Variants in GRIN2A observed in about 807,000 individuals in gnomAD.
GRIN2A encodes glutamate receptor ionotropic, NMDA 2A.
In GRIN2A, 22 loss-of-function variants were observed where a neutral mutation model predicts 113.4. The observed-to-expected ratio is 0.19, with a 90% CI of 0.14 to 0.28. The LOEUF (loss-of-function observed/expected upper bound fraction) is 0.28, where lower values mean the gene tolerates loss of function less well. GRIN2A is among the 10% of genes least tolerant of loss of function. The probability of loss-of-function intolerance (pLI) is 1.00; values close to 1 mark genes in which losing one functional copy is unlikely to be tolerated. For missense variants in GRIN2A, 1,502 were observed against 1,887.0 expected, an observed-to-expected ratio of 0.80 and a Z score of 3.78; for synonymous variants, 827 against 738.4, an observed-to-expected ratio of 1.12 and a Z score of -1.94.
At chr16:10,126,149 G>A (rs2048930394) in intron 2 of GRIN2A, among the ~76,000 whole-genome samples, 1 of 141,180 alleles carries the variant, frequency 7.1e-6, no homozygotes, top group Non-Finnish European at 1.5e-5. Flanking sequence ...GTGAGTTGAT[G>A]GATTTCTTTA....
At chr16:9,815,091 A>C (rs2042160943) in intron 10 of GRIN2A, among the ~76,000 whole-genome samples, 1 of 152,028 alleles carries the variant, frequency 6.6e-6, no homozygotes, top group South Asian at 2.1e-4. Flanking sequence ...CTAGGATAGG[A>C]ATTCAGTGCT....
chr16:9,914,615 G>A (rs1222633587), intron 3 of GRIN2A, among the ~76,000 whole-genome samples: 2 of 152,202 alleles, frequency 1.3e-5, no homozygotes, highest in African/African-American at 4.8e-5. Flanking sequence ...CAGAAGTTAG[G>A]CTTATTGAAG....
chr16:9,879,023 C>T (rs745859120), intron 4 of GRIN2A, among the ~76,000 whole-genome samples: 4 of 152,112 alleles, frequency 2.6e-5, no homozygotes, highest in South Asian at 2.1e-4. Flanking sequence ...AGTCACTATG[C>T]GTGACTCTAG....
intron 2 of GRIN2A, among the ~76,000 whole-genome samples, chr16:10,142,111 G>A (rs147736834): frequency 2.6e-4 from 40 of 152,190 alleles, no homozygotes; most frequent in African/African-American, 7.9e-4. Context: ...ATCCCAAAGC[G>A]CCCATGTCCT....
intron 4 of GRIN2A, among the ~76,000 whole-genome samples, chr16:9,854,880 C>T (rs1225693913): frequency 6.6e-6 from 1 of 152,156 alleles, no homozygotes; most frequent in African/African-American, 2.4e-5. Flanking sequence ...TGAAATCATA[C>T]AGTCCTTGTC....
chr16:10,164,067 T>G lies in GRIN2A; in HGVS notation c.414+15931A>C, dbSNP rs566160002. ...ACAAAGGAAGGCAGAGCAGTTTATC[T>G]AACTAGCTTGTTTACTCACGTGGTC... is the stretch of plus-strand genomic sequence containing the variant. On this transcript the variant is annotated intron_variant, in intron 2 of 12. Coordinates refer to ENST00000330684, the MANE Select transcript of GRIN2A (RefSeq NM_001134407.3). 7.9e-4 allele frequency among the ~76,000 whole-genome samples: 120 copies of G among 152,368 alleles called. 1 individual carries two copies. The highest frequency in any genetic ancestry group is 2.8e-3 in the African/African-American group (117 of 41,588).
chr16:10,016,887 C>A (rs2046621101), intron 2 of GRIN2A, among the ~76,000 whole-genome samples: 1 of 152,216 alleles, frequency 6.6e-6, no homozygotes. Flanking sequence ...GGAGCTGGCA[C>A]AGAAGACAAG....
intron 2 of GRIN2A, among the ~76,000 whole-genome samples, chr16:10,165,806 G>A (rs1458668006): frequency 7.0e-6 from 1 of 143,558 alleles, no homozygotes; most frequent in Non-Finnish European, 1.5e-5. Context: ...GGAGGGGAGG[G>A]AAGAGAAAAA....
chr16:9,879,284 A>G (rs760216674), intron 4 of GRIN2A, among the ~76,000 whole-genome samples: 12 of 152,228 alleles, frequency 7.9e-5, no homozygotes, highest in Non-Finnish European at 1.6e-4. Flanking sequence ...AAGAAAGAAA[A>G]GAAGAGAAGA....
At chr16:9,897,942 T>C (rs996178780) in intron 3 of GRIN2A, among the ~76,000 whole-genome samples, 1 of 152,142 alleles carries the variant, frequency 6.6e-6, no homozygotes, top group African/African-American at 2.4e-5. Flanking sequence ...AATAACTTGC[T>C]GCTTCTATGT....
intron 3 of GRIN2A, among the ~76,000 whole-genome samples, chr16:9,904,924 A>G (rs2043998278): frequency 6.6e-6 from 1 of 152,316 alleles, no homozygotes; most frequent in East Asian, 1.9e-4. Flanking sequence ...AGTGTGACCA[A>G]CCATCCCAGT....
At chr16:10,116,021 T>C (rs2048722905) in intron 2 of GRIN2A, among the ~76,000 whole-genome samples, 1 of 152,342 alleles carries the variant, frequency 6.6e-6, no homozygotes, top group South Asian at 2.1e-4. Context: ...CATGCACACG[T>C]ATGTTTATTT....
At chr16:10,120,648 C>T (rs2142178965) in intron 2 of GRIN2A, among the ~76,000 whole-genome samples, 1 of 152,240 alleles carries the variant, frequency 6.6e-6, no homozygotes, top group East Asian at 1.9e-4. Context: ...CAGAAAGAGA[C>T]TCCACATTAA....
intron 7 of GRIN2A, 37 bp from the exon 8 acceptor site, chr16:9,834,267 A>T (rs1272832067): frequency 6.2e-7 from 1 of 1,611,588 alleles, no homozygotes. Flanking sequence ...AAACGTGGTT[A>T]GTTATCTCTT....
intron 2 of GRIN2A, among the ~76,000 whole-genome samples, chr16:10,123,734 C>CT (rs2048875578): frequency 6.6e-6 from 1 of 152,176 alleles, no homozygotes; most frequent in Non-Finnish European, 1.5e-5. Context: ...ATGATGAGAT[C>CT]TGTTTAGCTG....
At chr16:10,069,105 G>T (rs1043695349) in intron 2 of GRIN2A, among the ~76,000 whole-genome samples, 4 of 152,058 alleles carry the variant, frequency 2.6e-5, no homozygotes. Context: ...CTATTCAGAA[G>T]AGAAGTGACC....
chr16:10,090,921 C>T (rs184530455), intron 2 of GRIN2A, among the ~76,000 whole-genome samples: 11 of 152,016 alleles, frequency 7.2e-5, no homozygotes, highest in Non-Finnish European at 1.0e-4. Context: ...ATACACATGG[C>T]CAATAAGAAA....
chr16:9,999,137 C>A (rs1338307133), intron 2 of GRIN2A, among the ~76,000 whole-genome samples: 1 of 152,132 alleles, frequency 6.6e-6, no homozygotes, highest in Non-Finnish European at 1.5e-5. Context: ...CACCTGCTGG[C>A]CCAAGAAGGA....
intron 2 of GRIN2A, among the ~76,000 whole-genome samples, chr16:10,107,003 T>C (rs903664582): frequency 1.3e-5 from 2 of 152,154 alleles, no homozygotes; most frequent in African/African-American, 4.8e-5. Context: ...TAAATGGACA[T>C]GTGGAGATTT....
Sources: allele counts gnomAD v4.1 joint callset (sites outside exome capture counted in the v4.1 genomes callset), GRCh38; gene constraint gnomAD v4.1.1; transcripts MANE v1.5; gene names NCBI Gene and HGNC (gene_info 2026-07-23, HGNC 2026-07-21).